ANAPC10: variants seen among roughly 807,000 people sequenced by gnomAD.
ANAPC10 encodes the protein anaphase-promoting complex subunit 10.
Under a neutral mutation model 22.0 loss-of-function variants are expected in ANAPC10, and 12 were observed. That is an observed-to-expected ratio of 0.55 (90% confidence interval 0.35 to 0.88). The LOEUF is 0.88. Ranked by LOEUF, ANAPC10 falls within the 40% of genes least tolerant of loss-of-function variation. The probability of loss-of-function intolerance (pLI) is 0.01; values close to 1 mark genes in which losing one functional copy is unlikely to be tolerated. For missense variants in ANAPC10, 188 were observed against 220.9 expected, an observed-to-expected ratio of 0.85 and a Z score of 0.94; for synonymous variants, 65 against 69.5, an observed-to-expected ratio of 0.94 and a Z score of 0.32.
intron 4 of ANAPC10, chr4:145,063,845 G>C (rs1475074146): frequency 1.3e-5 from 2 of 152,122 alleles, no homozygotes; most frequent in African/African-American, 4.8e-5. Flanking sequence ...TAGGCTGAGT[G>C]AAAGAAGCCA....
chr4:145,080,317 A>T (rs1235961338), intron 3 of ANAPC10, among the ~76,000 whole-genome samples: 1 of 152,084 alleles, frequency 6.6e-6, no homozygotes, highest in African/African-American at 2.4e-5. Context: ...CATATAACAA[A>T]CCTGCACATG....
intron 2 of ANAPC10, among the ~76,000 whole-genome samples, chr4:145,082,149 G>A (rs1746134266): frequency 6.6e-6 from 1 of 152,072 alleles, no homozygotes; most frequent in African/African-American, 2.4e-5. Flanking sequence ...CATCTTCTAG[G>A]AGATATTATA....
chr4:145,061,452 C>T (rs766482336), intron 4 of ANAPC10, among the ~76,000 whole-genome samples: 1 of 152,066 alleles, frequency 6.6e-6, no homozygotes, highest in Non-Finnish European at 1.5e-5. Context: ...CCAGGAAAAA[C>T]AAGTACAACT....
intron 2 of ANAPC10, among the ~76,000 whole-genome samples, chr4:145,090,762 A>G (rs539263358): frequency 2.0e-5 from 3 of 152,354 alleles, no homozygotes; most frequent in Non-Finnish European, 4.4e-5. Context: ...AACAGCATCT[A>G]TCACTTAGTA....
chr4:145,005,147 C>G (rs974676557), intron 4 of ANAPC10, among the ~76,000 whole-genome samples: 4 of 152,054 alleles, frequency 2.6e-5, no homozygotes, highest in Admixed American at 6.6e-5. Context: ...GCCTCTCAGG[C>G]TCTAGCCATC....
At chr4:145,043,122 A>C (rs1022599223) in intron 4 of ANAPC10, among the ~76,000 whole-genome samples, 31 of 152,098 alleles carry the variant, frequency 2.0e-4, no homozygotes, top group African/African-American at 7.5e-4. Flanking sequence ...CTAAAAATGC[A>C]CTAGCTGCCA....
At chr4:144,998,589 A>C (rs986149977) in intron 4 of ANAPC10, among the ~76,000 whole-genome samples, 3 of 152,250 alleles carry the variant, frequency 2.0e-5, no homozygotes, top group African/African-American at 7.2e-5. Context: ...GACACAACAT[A>C]CCAGAATCTC....
intron 3 of ANAPC10, among the ~76,000 whole-genome samples, chr4:145,076,943 T>C (rs1384047022): frequency 6.6e-6 from 1 of 152,166 alleles, no homozygotes; most frequent in Admixed American, 6.5e-5. Flanking sequence ...CTCACACCTG[T>C]AATCCCAGCA....
intron 4 of ANAPC10, among the ~76,000 whole-genome samples, chr4:144,999,058 TAAGCCAGG>T (rs1732091326): frequency 6.6e-6 from 1 of 152,090 alleles, no homozygotes; most frequent in South Asian, 2.1e-4. Flanking sequence ...CACCCAAGAC[TAAGCCAGG>T]AAGAAGTTGA....
intron 4 of ANAPC10, among the ~76,000 whole-genome samples, chr4:145,054,985 AT>A (rs1325209053): frequency 6.6e-6 from 1 of 152,120 alleles, no homozygotes; most frequent in Non-Finnish European, 1.5e-5. Flanking sequence ...TCAGTATCAG[AT>A]CTTGCCGATG....
intron 4 of ANAPC10, among the ~76,000 whole-genome samples, chr4:145,060,823 T>A (rs555356625): frequency 1.8e-4 from 27 of 151,946 alleles, no homozygotes; most frequent in African/African-American, 5.8e-4. Context: ...TGTGGTAGAA[T>A]AACAGAAAAA....
chr4:145,022,354 G>A (rs980999368), intron 4 of ANAPC10, among the ~76,000 whole-genome samples: 2 of 152,052 alleles, frequency 1.3e-5, no homozygotes, highest in South Asian at 4.2e-4. Context: ...ATGAATTAAC[G>A]GCATTCGCAG....
Position 145,097,583 on chromosome 4 carries a change from C to T in ANAPC10, c.-13+537G>A, listed in dbSNP as rs36093353. 2.1e-5 allele frequency: 26 copies of T among 1,267,832 alleles called. No individual in the cohort carries two copies. In the African/African-American group the frequency reaches 3.5e-4, roughly 17 times the overall value. The allele number at this position is 1,267,832 out of a possible 1,614,324, so 78.5% of individuals were successfully genotyped here. A position where few individuals can be genotyped will look rare whatever the true frequency, so the allele number is the denominator to read the frequency against. ...ACTTACTAAATAACGGCAGACACAA[C>T]GGACTGTAAACTTTGGCAAGGCCTG... On this transcript the variant is annotated intron_variant, in intron 1 of 4. Transcript: ENST00000507656.
intron 4 of ANAPC10, among the ~76,000 whole-genome samples, chr4:145,051,897 C>T (rs528760334): frequency 6.6e-6 from 1 of 152,180 alleles, no homozygotes; most frequent in South Asian, 2.1e-4. Flanking sequence ...CGCAGAGTAC[C>T]TTTTAGTCAA....
At position 145,012,553 on chromosome 4, in the gene ANAPC10, C is replaced by A. The variant is rs551505752; in HGVS notation, c.328-16950G>T. Among the ~76,000 whole-genome samples, 5 of 152,094 alleles carry A rather than the reference C, an allele frequency of 3.3e-5. No individual in the cohort carries two copies. The South Asian group carries it at 8.3e-4, about 25-fold the overall frequency. ...TTCATTTAACAGCAGATTATACATA[C>A]ATCATAAGACAAAATGGATAAATTC... On this transcript the variant is annotated intron_variant, in intron 4 of 4. Transcript: ENST00000507656.
At chr4:145,023,747 T>G (rs1736280087) in intron 4 of ANAPC10, among the ~76,000 whole-genome samples, 1 of 152,184 alleles carries the variant, frequency 6.6e-6, no homozygotes, top group Non-Finnish European at 1.5e-5. Flanking sequence ...TGGTGTAAGG[T>G]CTTGCCTTAA....
chr4:145,008,184 G>C (rs1733720304), intron 4 of ANAPC10, among the ~76,000 whole-genome samples: 1 of 152,232 alleles, frequency 6.6e-6, no homozygotes, highest in African/African-American at 2.4e-5. Context: ...TGAAATTGAG[G>C]CAATAATTAA....
intron 4 of ANAPC10, among the ~76,000 whole-genome samples, chr4:145,024,208 T>C (rs1736341179): frequency 6.6e-6 from 1 of 152,224 alleles, no homozygotes; most frequent in Admixed American, 6.5e-5. Context: ...CTGCAGTTAC[T>C]TTCTCAACTG....
At chr4:145,077,017 G>C (rs1023552643) in intron 3 of ANAPC10, among the ~76,000 whole-genome samples, 1 of 152,152 alleles carries the variant, frequency 6.6e-6, no homozygotes, top group African/African-American at 2.4e-5. Context: ...GGCTGAAACG[G>C]TGAAACCCTG....
Sources: gnomAD v4.1 joint callset for allele counts (sites outside exome capture counted in the v4.1 genomes callset) on GRCh38, gnomAD v4.1.1 for gene constraint, MANE v1.5 for transcripts, NCBI Gene and HGNC (gene_info 2026-07-23, HGNC 2026-07-21) for gene names.